The following TMEM217B variants were observed in gnomAD, a reference collection of about 807,000 sequenced individuals.
TMEM217B encodes the protein putative transmembrane protein 217B.
At chr6:37,243,309 G>A in the TMEM217B span, among the ~76,000 whole-genome samples, 1 of 152,158 alleles carries the variant, frequency 6.6e-6, no homozygotes, top group Non-Finnish European at 1.5e-5. Flanking sequence ...CCAGCTTTCT[G>A]TGCAGCTGAG....
chr6:37,212,272 C>T, the TMEM217B span: 1 of 349,028 alleles, frequency 2.9e-6, no homozygotes, highest in Non-Finnish European at 5.6e-6. Flanking sequence ...ACAACCTGCC[C>T]TCTCCCGAGA....
the TMEM217B span, among the ~76,000 whole-genome samples, chr6:37,231,550 G>A: frequency 6.7e-6 from 1 of 149,948 alleles, no homozygotes; most frequent in Non-Finnish European, 1.5e-5. Flanking sequence ...GCGTGCACCT[G>A]TAGTCCCAGC....
the TMEM217B span, chr6:37,212,581 A>G: frequency 4.2e-6 from 2 of 470,702 alleles, no homozygotes; most frequent in Middle Eastern, 3.2e-4. Context: ...GTGCAGGAGC[A>G]TGTGTGAGAT....
the TMEM217B span, among the ~76,000 whole-genome samples, chr6:37,215,570 C>CGAA: frequency 2.8e-5 from 2 of 72,376 alleles, no homozygotes; most frequent in Non-Finnish European, 2.4e-5. Context: ...GACTCTGTCT[C>CGAA]AAAAAAAAAA....
the TMEM217B span, chr6:37,212,359 G>C: frequency 2.7e-6 from 1 of 367,510 alleles, no homozygotes. Flanking sequence ...GGGTAGGGAG[G>C]GTTCCATTGT....
At chr6:37,221,573 C>A in the TMEM217B span, among the ~76,000 whole-genome samples, 1 of 152,034 alleles carries the variant, frequency 6.6e-6, no homozygotes, top group African/African-American at 2.4e-5. Context: ...TAGAATGTGT[C>A]AGAATTTTCT....
the TMEM217B span, among the ~76,000 whole-genome samples, chr6:37,228,927 G>A: frequency 5.9e-5 from 9 of 151,932 alleles, no homozygotes; most frequent in Admixed American, 2.0e-4. Flanking sequence ...AACCTGGGAG[G>A]TGGAGCTTGC....
chr6:37,238,012 G>C, the TMEM217B span, among the ~76,000 whole-genome samples: 1 of 152,034 alleles, frequency 6.6e-6, no homozygotes, highest in Non-Finnish European at 1.5e-5. Context: ...TTTTATTTTG[G>C]ACAGGGGATT....
the TMEM217B span, among the ~76,000 whole-genome samples, chr6:37,257,074 C>T: frequency 6.6e-6 from 1 of 152,120 alleles, no homozygotes; most frequent in Admixed American, 6.5e-5. Context: ...ATACTGTGTC[C>T]TTCAAAGAAA....
At chr6:37,242,997 G>C in the TMEM217B span, among the ~76,000 whole-genome samples, 23 of 152,280 alleles carry the variant, frequency 1.5e-4, no homozygotes, top group African/African-American at 5.1e-4. Flanking sequence ...GTAGCTGCAG[G>C]AGAGGCTGGG....
chr6:37,244,137 A>C, the TMEM217B span, among the ~76,000 whole-genome samples: 1 of 152,196 alleles, frequency 6.6e-6, no homozygotes, highest in South Asian at 2.1e-4. Context: ...GACTTTTATT[A>C]GTTTTACAAA....
At chr6:37,254,726 T>C in the TMEM217B span, among the ~76,000 whole-genome samples, 1 of 152,230 alleles carries the variant, frequency 6.6e-6, no homozygotes, top group Non-Finnish European at 1.5e-5. Flanking sequence ...CCAAACACTA[T>C]TCTAGGTGCT....
At chr6:37,215,570 C>CGAAAAAAAAAAAAAAAAAAAAAAAAAAAA in the TMEM217B span, among the ~76,000 whole-genome samples, 2 of 72,376 alleles carry the variant, frequency 2.8e-5, no homozygotes, top group African/African-American at 6.0e-5. Context: ...GACTCTGTCT[C>CGAAAAAAAAAAAAAAAAAAAAAAAAAAAA]AAAAAAAAAA....
chr6:37,212,378 A>ACCATT, the TMEM217B span: 6 of 379,314 alleles, frequency 1.6e-5, no homozygotes, highest in Admixed American at 1.3e-4. Flanking sequence ...GTTGAGGAAC[A>ACCATT]CCATTCCCTC....
chr6:37,257,794 G>C, the TMEM217B span: 2 of 1,050,938 alleles, frequency 1.9e-6, no homozygotes, highest in Non-Finnish European at 2.8e-6. Context: ...GCGTCCCCAG[G>C]AGCTGGGAGC....
the TMEM217B span, among the ~76,000 whole-genome samples, chr6:37,213,182 C>T: frequency 1.3e-5 from 2 of 152,246 alleles, no homozygotes; most frequent in Non-Finnish European, 2.9e-5. Flanking sequence ...GATGTGACCA[C>T]ATCATTGAGA....
At chr6:37,227,065 AT>A in the TMEM217B span, among the ~76,000 whole-genome samples, 2 of 152,252 alleles carry the variant, frequency 1.3e-5, no homozygotes, top group Admixed American at 1.3e-4. Flanking sequence ...CAGCAGCAAA[AT>A]TAGGATTTGA....
At chr6:37,226,104 A>T in the TMEM217B span, among the ~76,000 whole-genome samples, 1 of 151,774 alleles carries the variant, frequency 6.6e-6, no homozygotes, top group Non-Finnish European at 1.5e-5. Flanking sequence ...GGGATCTAGC[A>T]CCTCCTTTGA....
the TMEM217B span, among the ~76,000 whole-genome samples, chr6:37,254,188 C>T: frequency 1.3e-5 from 2 of 152,160 alleles, no homozygotes; most frequent in African/African-American, 4.8e-5. Context: ...CACCTCAGAC[C>T]TCCTGAATCA....
Sources: allele counts gnomAD v4.1 joint callset (sites outside exome capture counted in the v4.1 genomes callset), GRCh38; gene constraint gnomAD v4.1.1; transcripts MANE v1.5; gene names NCBI Gene and HGNC (gene_info 2026-07-23, HGNC 2026-07-21).